The following PDE1C variants were observed in gnomAD, a reference collection of about 807,000 sequenced individuals.
PDE1C encodes the protein phosphodiesterase 1C, also known as dual specificity calcium/calmodulin-dependent 3',5'-cyclic nucleotide phosphodiesterase 1C.
In PDE1C, 62 loss-of-function variants were observed where a neutral mutation model predicts 93.1. The observed-to-expected ratio is 0.67, with a 90% CI of 0.54 to 0.82. The LOEUF (loss-of-function observed/expected upper bound fraction) is 0.82, where lower values mean the gene tolerates loss of function less well. Among genes scored for constraint, PDE1C ranks in the 40% least tolerant of loss-of-function variants. The pLI is 0.00. For synonymous variants in PDE1C, 325 were observed against 310.1 expected, an observed-to-expected ratio of 1.05 and a Z score of -0.50; for missense variants, 742 against 884.6, an observed-to-expected ratio of 0.84 and a Z score of 2.04.
chr7:32,095,783 G>C (rs147159341), intron 3 of PDE1C, among the ~76,000 whole-genome samples: 2 of 152,090 alleles, frequency 1.3e-5, no homozygotes, highest in Non-Finnish European at 2.9e-5. Flanking sequence ...ATCCTTACGC[G>C]ATGTGAATAT....
chr7:31,915,522 G>A lies in PDE1C; in HGVS notation c.129-34662C>T, dbSNP rs768982354. Reference sequence around the variant, plus strand: ...ACTGATGCTACTTAAGCATTTTTCTGTATTAATGATATATGCATGTACTTT... The same window carrying A: ...ACTGATGCTACTTAAGCATTTTTCTATATTAATGATATATGCATGTACTTT... On this transcript the variant is annotated intron_variant, in intron 2 of 17. Coordinates refer to ENST00000396191, the MANE Select transcript of PDE1C (RefSeq NM_001191057.4). 1.6e-4 allele frequency among the ~76,000 whole-genome samples: 25 copies of A among 152,184 alleles called. 1 individual carries two copies. Among genetic ancestry groups the A allele is most frequent in the Non-Finnish European group, 3.4e-4 (23 of 68,034 alleles).
intron 2 of PDE1C, among the ~76,000 whole-genome samples, chr7:31,906,820 A>T (rs999535576): frequency 7.2e-5 from 11 of 152,220 alleles, no homozygotes; most frequent in Non-Finnish European, 1.3e-4. Flanking sequence ...CTTCTTTGGT[A>T]AAATAGGAAT....
intron 2 of PDE1C, among the ~76,000 whole-genome samples, chr7:31,896,886 TG>T (rs1799388244): frequency 6.6e-6 from 1 of 152,246 alleles, no homozygotes; most frequent in Non-Finnish European, 1.5e-5. Context: ...TGAATTATCC[TG>T]ACAAGTGCTT....
intron 16 of PDE1C, among the ~76,000 whole-genome samples, chr7:31,793,272 A>G (rs1478257068): frequency 6.6e-6 from 1 of 152,094 alleles, no homozygotes; most frequent in Non-Finnish European, 1.5e-5. Context: ...TTTATCCATT[A>G]TAATGTTTAT....
At chr7:31,962,474 G>A (rs541273133) in intron 2 of PDE1C, among the ~76,000 whole-genome samples, 10 of 152,304 alleles carry the variant, frequency 6.6e-5, no homozygotes, top group Admixed American at 5.9e-4. Flanking sequence ...AGTCATTTCT[G>A]CTTCAACTGC....
intron 1 of PDE1C, among the ~76,000 whole-genome samples, chr7:32,385,133 C>T (rs1429628577): frequency 2.6e-5 from 4 of 152,122 alleles, no homozygotes; most frequent in African/African-American, 9.7e-5. Context: ...TCTGAGTGAA[C>T]GAAGGTGGCA....
chr7:31,891,098 C>T (rs879197898), intron 2 of PDE1C, among the ~76,000 whole-genome samples: 2 of 152,172 alleles, frequency 1.3e-5, no homozygotes, highest in Admixed American at 6.5e-5. Flanking sequence ...TCTGTCCCAC[C>T]TTGTGGCTCC....
intron 2 of PDE1C, among the ~76,000 whole-genome samples, chr7:31,969,164 T>C (rs1251859389): frequency 5.3e-5 from 8 of 152,196 alleles, no homozygotes; most frequent in Admixed American, 5.2e-4. Flanking sequence ...TTTGCTGTGC[T>C]TCTGCACAGC....
chr7:31,851,044 A>T lies in PDE1C; in HGVS notation c.751-303T>A, dbSNP rs550448281. Reference sequence around the variant, plus strand: ...TCATTGCATCCTCCCCCAACTTCCAAATAAAGTTCCTAGGTAGACACACAC... The same window carrying T: ...TCATTGCATCCTCCCCCAACTTCCATATAAAGTTCCTAGGTAGACACACAC... On this transcript the variant is annotated intron_variant, in intron 7 of 17. Coordinates refer to ENST00000396191, the MANE Select transcript of PDE1C (RefSeq NM_001191057.4). The T allele has an allele frequency of 8.9e-5, 28 of 315,462 alleles. No homozygotes were observed. The South Asian group carries it at 9.4e-4, about 11-fold the overall frequency. The allele number at this position is 315,462 out of a possible 1,614,324, so 19.5% of individuals were successfully genotyped here.
At chr7:32,418,503 A>C (rs756194760) in intron 1 of PDE1C, among the ~76,000 whole-genome samples, 16 of 152,118 alleles carry the variant, frequency 1.1e-4, no homozygotes, top group Non-Finnish European at 2.4e-4. Context: ...TGATTGTTTT[A>C]TTTGCACTTT....
the PDE1C span, chr7:31,695,438 T>G: frequency 6.4e-7 from 1 of 1,569,894 alleles, no homozygotes; most frequent in Non-Finnish European, 8.6e-7. Flanking sequence ...CATGTTATAT[T>G]CTTTATTTCT....
intron 2 of PDE1C, among the ~76,000 whole-genome samples, chr7:32,029,255 ACAG>A (rs1789935003): frequency 4.8e-4 from 2 of 4,210 alleles, no homozygotes; most frequent in Admixed American, 8.2e-4. Context: ...GTAAATTAGT[ACAG>A]TACAGCCATT....
At chr7:31,721,741 AAC>A in the PDE1C span, among the ~76,000 whole-genome samples, 11 of 152,248 alleles carry the variant, frequency 7.2e-5, no homozygotes, top group Admixed American at 1.3e-4. Flanking sequence ...ACCCATGTAC[AAC>A]CACCTGCCGA....
chr7:31,761,855 A>G (rs1405976436), intron 17 of PDE1C, among the ~76,000 whole-genome samples: 1 of 152,194 alleles, frequency 6.6e-6, no homozygotes, highest in Non-Finnish European at 1.5e-5. Flanking sequence ...GGCCAGATTC[A>G]GTTCTGGCAC....
chr7:32,217,539 T>C (rs554080908), intron 1 of PDE1C, among the ~76,000 whole-genome samples: 52 of 152,326 alleles, frequency 3.4e-4, no homozygotes, highest in African/African-American at 1.3e-3. Flanking sequence ...TAAATGCATA[T>C]CTCTGGCGAT....
the PDE1C span, among the ~76,000 whole-genome samples, chr7:31,711,511 G>C: frequency 6.6e-6 from 1 of 152,076 alleles, no homozygotes; most frequent in African/African-American, 2.4e-5. Flanking sequence ...TCTGAAAATA[G>C]GGTCCAAAAA....
intron 3 of PDE1C, among the ~76,000 whole-genome samples, chr7:32,085,173 C>G (rs1279936287): frequency 6.6e-6 from 1 of 151,832 alleles, no homozygotes; most frequent in East Asian, 1.9e-4. Context: ...AAGGAGATAT[C>G]ACCACGGATC....
intron 2 of PDE1C, among the ~76,000 whole-genome samples, chr7:32,037,584 AGAAAGAC>A (rs1260100620): frequency 2.0e-5 from 3 of 152,192 alleles, no homozygotes; most frequent in Non-Finnish European, 2.9e-5. Flanking sequence ...TGTCATCTAC[AGAAAGAC>A]TTTTCTGAAC....
chr7:31,649,524 T>C, the PDE1C span, among the ~76,000 whole-genome samples: 9 of 152,266 alleles, frequency 5.9e-5, no homozygotes, highest in Admixed American at 4.6e-4. Context: ...GCTAGACACA[T>C]GGATGCCTCT....
Sources: allele counts gnomAD v4.1 joint callset (sites outside exome capture counted in the v4.1 genomes callset), GRCh38; gene constraint gnomAD v4.1.1; transcripts MANE v1.5; gene names NCBI Gene and HGNC (gene_info 2026-07-23, HGNC 2026-07-21).